Variants in CNDP2 observed in about 807,000 individuals in gnomAD.
The protein encoded by CNDP2 is carnosine dipeptidase 2, also known as cytosolic non-specific dipeptidase.
In CNDP2, 38 loss-of-function variants were observed where a neutral mutation model predicts 55.0. That is an observed-to-expected ratio of 0.69 (90% CI 0.53 to 0.90). CNDP2 has a LOEUF of 0.90. Among genes scored for constraint, CNDP2 ranks in the 40% least tolerant of loss-of-function variants. The pLI is 0.00. For synonymous variants in CNDP2, 241 were observed against 260.2 expected (o/e 0.93, Z 0.71); for missense variants, 607 against 621.7 (o/e 0.98, Z 0.25).
At chr18:74,513,972 G>T (rs1269103449) in intron 8 of CNDP2, among the ~76,000 whole-genome samples, 1 of 152,202 alleles carries the variant, frequency 6.6e-6, no homozygotes, top group Admixed American at 6.5e-5. Context: ...GCTCCTGCTG[G>T]CAGCGGCTCT....
chr18:74,518,712 G>A (rs545152267), intron 10 of CNDP2, 72 bp downstream of exon 10: 56 of 1,589,598 alleles, frequency 3.5e-5, no homozygotes, highest in East Asian at 2.7e-4. Flanking sequence ...GCTATATCGC[G>A]TGGGCGTGTA....
chr18:74,503,675 G>A (rs61102330), intron 3 of CNDP2, among the ~76,000 whole-genome samples: 16,553 of 152,350 alleles, frequency 0.11, 1,464 homozygotes, highest in African/African-American at 0.24. Flanking sequence ...TGGGACCAGA[G>A]CAGAGAGATT....
chr18:74,511,707 CAAA>C (rs35283725), intron 6 of CNDP2, among the ~76,000 whole-genome samples: 2 of 115,212 alleles, frequency 1.7e-5, no homozygotes, highest in Non-Finnish European at 1.8e-5. Context: ...GACTCCACTT[CAAA>C]AAAAAAAAAA....
chr18:74,513,501 G>C, intron 7 of CNDP2, 58 bp from the exon 8 acceptor site: 1 of 1,533,112 alleles, frequency 6.5e-7, no homozygotes, highest in South Asian at 1.3e-5. Flanking sequence ...GCAGGAAAGA[G>C]CAGCTCGCCT....
At position 74,513,684 on chromosome 18, in the gene CNDP2, G is replaced by C; in HGVS notation, c.868G>C (p.Asp290His). 6.2e-7 allele frequency: 1 copy of C among 1,614,082 alleles called. No homozygotes were observed. The highest frequency in any genetic ancestry group is 8.5e-7 in the Non-Finnish European group (1 of 1,180,004). The change falls in exon 8 of 12, where the codon GAT becomes CAT. Residue 290 changes from aspartate to histidine, a missense_variant. Coordinates refer to ENST00000324262, the MANE Select transcript of CNDP2 (RefSeq NM_018235.3). Reference protein sequence around the residue: ...IDFDIEEFAKDVGAQILLHSH... With the variant: ...IDFDIEEFAKHVGAQILLHSH... ...CTTTGACATAGAGGAGTTTGCCAAGGATGTGGGGGCGCAGATCCTCCTGCA... is the reference window on the plus strand; with the variant it reads ...CTTTGACATAGAGGAGTTTGCCAAGCATGTGGGGGCGCAGATCCTCCTGCA...
chr18:74,500,142 A>C (rs112616753), intron 2 of CNDP2, 109 bp downstream of exon 2: 6 of 909,596 alleles, frequency 6.6e-6, no homozygotes, highest in Non-Finnish European at 1.0e-5. Flanking sequence ...CCAGGGTTAG[A>C]AGATCTGCCT....
intron 8 of CNDP2, among the ~76,000 whole-genome samples, chr18:74,515,964 G>A (rs541416953): frequency 6.2e-4 from 94 of 152,206 alleles, no homozygotes; most frequent in South Asian, 1.0e-3. Flanking sequence ...GTTCTGCCAG[G>A]TGGACCTGAG....
chr18:74,518,608 A>T lies in CNDP2; in HGVS notation c.1178A>T (p.His393Leu). The T allele has an allele frequency of 6.2e-7, 1 of 1,614,190 alleles. No individual in the cohort carries two copies. The highest frequency in any genetic ancestry group is 8.5e-7 in the Non-Finnish European group (1 of 1,180,040). ...TGGGTCTCCGACTTCAGTCACCCTC[A>T]TTACCTGGCTGGGAGAAGAGCCATG... is the stretch of plus-strand genomic sequence containing the variant. ...KPWVSDFSHPHYLAGRRAMKT... is the reference protein window; with the variant it reads ...KPWVSDFSHPLYLAGRRAMKT... The change falls in exon 10 of 12, where the codon CAT becomes CTT. Residue 393 changes from histidine to leucine, a missense_variant. Coordinates refer to ENST00000324262, the MANE Select transcript of CNDP2 (RefSeq NM_018235.3).
At position 74,518,986 on chromosome 18, in the gene CNDP2, C is replaced by A; in HGVS notation, c.1248C>A (p.Gly416=). Residue 416 remains glycine (G), a synonymous_variant, in exon 11 of 12, where the codon GGC becomes GGA. Transcript: ENST00000324262. ...AGCCAGACTTGACCAGGGAAGGCGG[C>A]AGTATTCCCGTGACCTTGACCTTTC... The part of the protein sequence containing the change: ...GVEPDLTREG[G]SIPVTLTFQE... 1 of 1,614,158 alleles carries A rather than the reference C, an allele frequency of 6.2e-7. No individual in the cohort carries two copies. The highest frequency in any genetic ancestry group is 8.5e-7 in the Non-Finnish European group (1 of 1,180,024).
At chr18:74,511,961 G>C (rs970093768) in intron 6 of CNDP2, 1 of 155,980 alleles carries the variant, frequency 6.4e-6, no homozygotes, top group South Asian at 2.0e-4. Context: ...GTCATCCCCA[G>C]TGCTGGGAGG....
rs1249034458 is a variant in CNDP2, at chr18:74,516,310, A to G, written c.986A>G (p.Lys329Arg). The G allele has an allele frequency of 6.2e-7, 1 of 1,614,148 alleles. No individual in the cohort carries two copies. Among genetic ancestry groups the G allele is most frequent in the South Asian group, 1.1e-5 (1 of 91,082 alleles). ...IEGAFSGSGA[K>R]TVIPRKVVGK... is the part of the protein sequence containing the mutation. ...GGCGCCTTCTCTGGGTCTGGGGCCAAGACCGTGATTCCCAGGAAGGTGGTT... is the reference window on the plus strand; with the variant it reads ...GGCGCCTTCTCTGGGTCTGGGGCCAGGACCGTGATTCCCAGGAAGGTGGTT... The change falls in exon 9 of 12, where the codon AAG becomes AGG. Residue 329 changes from lysine (K) to arginine (R), a missense_variant. Transcript: ENST00000324262.
At chr18:74,508,556 C>G in intron 4 of CNDP2, 1 of 375,276 alleles carries the variant, frequency 2.7e-6, no homozygotes, top group Non-Finnish European at 5.0e-6. Flanking sequence ...CTGGAGGTCT[C>G]CACCCTGACC....
chr18:74,518,735 G>A, intron 10 of CNDP2, 95 bp downstream of exon 10: 2 of 1,549,022 alleles, frequency 1.3e-6, no homozygotes, highest in East Asian at 4.5e-5. Flanking sequence ...TATGTCGGGG[G>A]CGCTGCTGTA....
At chr18:74,515,499 C>G (rs1032087952) in intron 8 of CNDP2, among the ~76,000 whole-genome samples, 20 of 152,132 alleles carry the variant, frequency 1.3e-4, no homozygotes, top group African/African-American at 4.8e-4. Context: ...GTCTGTTCCT[C>G]CCAGATAACA....
At chr18:74,500,161 G>T (rs1450032306) in intron 2 of CNDP2, 128 bp downstream of exon 2, 6 of 693,920 alleles carry the variant, frequency 8.6e-6, no homozygotes, top group Non-Finnish European at 9.3e-6. Flanking sequence ...CTAGAGATCT[G>T]TTCATTAGCT....
chr18:74,519,970 C>G (rs748589977), intron 11 of CNDP2, 29 bp from the exon 12 acceptor site: 11 of 1,601,566 alleles, frequency 6.9e-6, no homozygotes, highest in Admixed American at 3.3e-5. Context: ...CGACACCAGC[C>G]AACACAATGA....
chr18:74,517,422 C>T (rs570622342), intron 9 of CNDP2: 2 of 152,128 alleles, frequency 1.3e-5, no homozygotes, highest in African/African-American at 4.8e-5. Flanking sequence ...TGAATCACAT[C>T]GCACCTGCTC....
At chr18:74,519,453 G>A (rs1979925703) in intron 11 of CNDP2, among the ~76,000 whole-genome samples, 1 of 152,206 alleles carries the variant, frequency 6.6e-6, no homozygotes, top group Non-Finnish European at 1.5e-5. Context: ...CGGACGTGAT[G>A]GGAATTCTTC....
chr18:74,510,388 G>A (rs1979274177), intron 5 of CNDP2, among the ~76,000 whole-genome samples: 1 of 152,218 alleles, frequency 6.6e-6, no homozygotes, highest in South Asian at 2.1e-4. Flanking sequence ...ACGGCAAGGT[G>A]GGCACATTCC....
Sources: allele counts gnomAD v4.1 joint callset (sites outside exome capture counted in the v4.1 genomes callset), GRCh38; gene constraint gnomAD v4.1.1; transcripts MANE v1.5; gene names NCBI Gene and HGNC (gene_info 2026-07-23, HGNC 2026-07-21).